LMX1A: variants seen among roughly 807,000 people sequenced by gnomAD.
The protein encoded by LMX1A is LIM homeobox transcription factor 1 alpha, also known as LIM homeobox transcription factor 1-alpha.
LMX1A carries 15 observed loss-of-function variants against 49.1 expected under a neutral mutation model. The ratio of observed to expected loss-of-function variants is 0.31; its 90% CI spans 0.20 to 0.47. The LOEUF (loss-of-function observed/expected upper bound fraction) is 0.47, where lower values mean the gene tolerates loss of function less well. Ranked by LOEUF, LMX1A falls within the 20% of genes least tolerant of loss-of-function variation. The pLI, the probability that LMX1A is intolerant of heterozygous loss-of-function variation, is 1.00. For missense variants in LMX1A, 372 were observed against 475.8 expected, an observed-to-expected ratio of 0.78 and a Z score of 2.03; for synonymous variants, 167 against 185.7, an observed-to-expected ratio of 0.90 and a Z score of 0.82.
chr1:165,336,629 A>ACCCCTACTCCC (rs1655906029), intron 3 of LMX1A, among the ~76,000 whole-genome samples: 4 of 152,080 alleles, frequency 2.6e-5, no homozygotes, highest in African/African-American at 9.7e-5. Flanking sequence ...CCCCTACTCC[A>ACCCCTACTCCC]ACCCCTCCAC....
intron 3 of LMX1A, among the ~76,000 whole-genome samples, chr1:165,297,170 A>G (rs1654642616): frequency 6.6e-6 from 1 of 152,186 alleles, no homozygotes; most frequent in African/African-American, 2.4e-5. Flanking sequence ...ACCTCTGTTC[A>G]CTCAAACCCT....
At chr1:165,226,005 T>C (rs898136603) in intron 4 of LMX1A, among the ~76,000 whole-genome samples, 9 of 121,608 alleles carry the variant, frequency 7.4e-5, no homozygotes, top group African/African-American at 2.9e-4. Flanking sequence ...TTTTGATAAT[T>C]GTGGGAGAAT....
chr1:165,238,923 C>T (rs1157060508), intron 4 of LMX1A, among the ~76,000 whole-genome samples: 1 of 152,212 alleles, frequency 6.6e-6, no homozygotes, highest in African/African-American at 2.4e-5. Context: ...TGTTCATCTT[C>T]TTCCTCTGTA....
At chr1:165,290,241 C>A (rs1654423172) in intron 3 of LMX1A, among the ~76,000 whole-genome samples, 1 of 152,222 alleles carries the variant, frequency 6.6e-6, no homozygotes, top group Non-Finnish European at 1.5e-5. Flanking sequence ...GAAATTTATT[C>A]TCTCGCGGTT....
At chr1:165,256,184 G>C (rs2102644052) in intron 3 of LMX1A, among the ~76,000 whole-genome samples, 1 of 152,230 alleles carries the variant, frequency 6.6e-6, no homozygotes, top group African/African-American at 2.4e-5. Context: ...CACCAAATCG[G>C]ATCGAAGCAG....
At chr1:165,267,260 C>A (rs1444449081) in intron 3 of LMX1A, among the ~76,000 whole-genome samples, 1 of 152,136 alleles carries the variant, frequency 6.6e-6, no homozygotes, top group Non-Finnish European at 1.5e-5. Flanking sequence ...TAATATGTGG[C>A]CCTTTGTGTC....
At chr1:165,295,581 T>C (rs1171580956) in intron 3 of LMX1A, among the ~76,000 whole-genome samples, 1 of 152,002 alleles carries the variant, frequency 6.6e-6, no homozygotes, top group East Asian at 1.9e-4. Context: ...GGAAAAGGCA[T>C]CTGTGTCAAA....
intron 4 of LMX1A, among the ~76,000 whole-genome samples, chr1:165,243,992 G>A (rs1202131061): frequency 6.6e-6 from 1 of 152,200 alleles, no homozygotes; most frequent in Non-Finnish European, 1.5e-5. Context: ...TTCAGCCCCA[G>A]CCCCTAACCC....
chr1:165,313,690 T>C (rs1475593273), intron 3 of LMX1A, among the ~76,000 whole-genome samples: 3 of 152,054 alleles, frequency 2.0e-5, no homozygotes, highest in Admixed American at 2.0e-4. Flanking sequence ...AATTCCCAGC[T>C]CATTTCCCTT....
chr1:165,309,317 T>C (rs537915937), intron 3 of LMX1A, among the ~76,000 whole-genome samples: 1 of 152,306 alleles, frequency 6.6e-6, no homozygotes, highest in South Asian at 2.1e-4. Flanking sequence ...TGGGATCAAC[T>C]TTAATAACAA....
intron 3 of LMX1A, among the ~76,000 whole-genome samples, chr1:165,292,236 T>G (rs1654497218): frequency 6.6e-6 from 1 of 152,108 alleles, no homozygotes; most frequent in Admixed American, 6.5e-5. Flanking sequence ...GATGCTAGAT[T>G]TTTTCTTTTT....
Position 165,353,062 on chromosome 1 carries a change from G to A in LMX1A, c.263+14C>T, listed in dbSNP as rs562923701. 20 of 1,613,362 alleles carry A rather than the reference G, an allele frequency of 1.2e-5. No homozygotes were observed. The East Asian group carries it at 4.0e-4, about 32-fold the overall frequency. ...CCAGTGCGCGGGGAGCGCTGCGGGG[G>A]TGCGGCCACTTACTTCTCGTAGTCA... On this transcript the variant is annotated intron_variant, in intron 3 of 8. Coordinates refer to ENST00000342310, the MANE Select transcript of LMX1A (RefSeq NM_177398.4).
At chr1:165,208,455 G>A (rs769483215) in intron 6 of LMX1A, among the ~76,000 whole-genome samples, 32 of 152,154 alleles carry the variant, frequency 2.1e-4, no homozygotes, top group Non-Finnish European at 4.4e-4. Context: ...ATAAGTGTGT[G>A]ACTGTGAAAT....
chr1:165,290,468 G>T (rs934182543), intron 3 of LMX1A, among the ~76,000 whole-genome samples: 1 of 148,314 alleles, frequency 6.7e-6, no homozygotes, highest in Non-Finnish European at 1.5e-5. Flanking sequence ...GTGTGTGTTT[G>T]TAAAATGTCT....
intron 6 of LMX1A, among the ~76,000 whole-genome samples, chr1:165,208,650 T>G (rs1285533606): frequency 2.6e-5 from 4 of 151,900 alleles, no homozygotes; most frequent in Non-Finnish European, 5.9e-5. Flanking sequence ...TTTTATTTTT[T>G]ATTTTTGAGA....
intron 3 of LMX1A, among the ~76,000 whole-genome samples, chr1:165,254,513 G>A (rs1176953781): frequency 1.3e-5 from 2 of 152,104 alleles, no homozygotes; most frequent in Non-Finnish European, 1.5e-5. Context: ...ACTAACCCCA[G>A]AGTAATTCAA....
At position 165,355,381 on chromosome 1, in the gene LMX1A, C is replaced by T; in HGVS notation, c.76+103G>A. 3 of 1,061,944 alleles carry T rather than the reference C, an allele frequency of 2.8e-6. No homozygotes were observed. Among genetic ancestry groups the T allele is most frequent in the Non-Finnish European group, 4.2e-6 (3 of 706,284 alleles). The allele number at this position is 1,061,944 out of a possible 1,614,324, so 65.8% of individuals were successfully genotyped here. On this transcript the variant is annotated intron_variant, in intron 2 of 8. Coordinates refer to ENST00000342310, the MANE Select transcript of LMX1A (RefSeq NM_177398.4). The surrounding 1 kb of genome is among the most constrained non-coding windows in gnomAD (Gnocchi z 4.7). The stretch of plus-strand genomic sequence containing the variant: ...GCTCAATTTAGTGTATGAAGAGGGG[C>T]GCTAGCTTCCCTATCGCGGACCAGG...
At chr1:165,246,120 T>A (rs1404905371) in intron 4 of LMX1A, among the ~76,000 whole-genome samples, 1 of 152,152 alleles carries the variant, frequency 6.6e-6, no homozygotes, top group Non-Finnish European at 1.5e-5. Flanking sequence ...AACAATGAGA[T>A]GGACTTCATT....
chr1:165,330,256 T>C (rs1010620531), intron 3 of LMX1A, among the ~76,000 whole-genome samples: 3 of 152,218 alleles, frequency 2.0e-5, no homozygotes, highest in African/African-American at 7.2e-5. Flanking sequence ...GGAGGTTCAC[T>C]TGATCCCAGG....
Sources: allele counts gnomAD v4.1 joint callset (sites outside exome capture counted in the v4.1 genomes callset), GRCh38; gene constraint gnomAD v4.1.1; non-coding constraint Gnocchi (gnomAD v3.1); transcripts MANE v1.5; gene names NCBI Gene and HGNC (gene_info 2026-07-23, HGNC 2026-07-21).